The following TAF4B variants were observed in gnomAD, a reference collection of about 807,000 sequenced individuals.
TAF4B encodes TATA-box binding protein associated factor 4b.
A neutral mutation model predicts 86.4 loss-of-function variants in TAF4B; 38 were observed. That is an observed-to-expected ratio of 0.44 (90% CI 0.34 to 0.58). TAF4B has a LOEUF of 0.58. TAF4B is among the 20% of genes least tolerant of loss of function. The probability of loss-of-function intolerance (pLI) is 0.02; values close to 1 mark genes in which losing one functional copy is unlikely to be tolerated. For synonymous variants in TAF4B, 388 were observed against 391.2 expected (o/e 0.99, Z 0.10); for missense variants, 988 against 1,027.6 (o/e 0.96, Z 0.53).
chr18:26,311,490 T>C (rs1467066419), intron 9 of TAF4B, among the ~76,000 whole-genome samples: 1 of 151,778 alleles, frequency 6.6e-6, no homozygotes, highest in East Asian at 1.9e-4. Flanking sequence ...ATACAAAAAT[T>C]AGCCAGGCGT....
intron 13 of TAF4B, among the ~76,000 whole-genome samples, chr18:26,350,734 A>G (rs2057238160): frequency 1.3e-5 from 2 of 152,234 alleles, no homozygotes; most frequent in African/African-American, 2.4e-5. Flanking sequence ...ACATTTCTCA[A>G]AAGAAGACAT....
intron 6 of TAF4B, among the ~76,000 whole-genome samples, chr18:26,283,848 C>G (rs1000278813): frequency 3.9e-5 from 6 of 151,978 alleles, no homozygotes; most frequent in Non-Finnish European, 7.4e-5. Flanking sequence ...GTCAGGAGTT[C>G]GAGACCAGCC....
Position 26,312,753 on chromosome 18 carries a change from G to T in TAF4B, c.1833-2476G>T, listed in dbSNP as rs2056865674. Among the ~76,000 whole-genome samples, 5 of 152,232 alleles carry T rather than the reference G, an allele frequency of 3.3e-5. No homozygotes were observed. In the South Asian group the frequency reaches 1.0e-3, roughly 32 times the overall value. On this transcript the variant is annotated intron_variant, in intron 9 of 14. Transcript: ENST00000269142. The stretch of plus-strand genomic sequence containing the variant: ...ACATCTTAGTTGACAGGCACTCAGT[G>T]TTGTATGTATATGTGTAAAGGTCAT...
At chr18:26,285,050 C>T (rs954303592) in intron 6 of TAF4B, among the ~76,000 whole-genome samples, 3 of 151,610 alleles carry the variant, frequency 2.0e-5, no homozygotes, top group African/African-American at 7.3e-5. Context: ...TCACTGCAAC[C>T]TCAACCTCCT....
Position 26,227,238 on chromosome 18 carries a change from C to T in TAF4B, c.305C>T (p.Thr102Met). Residue 102 changes from threonine to methionine, a missense_variant, in exon 1 of 15, where the codon ACG becomes ATG. Around this residue, in one of 3 missense-constraint regions of TAF4B, gnomAD observed 747 missense variants for 737.9 expected, o/e 1.01. Coordinates refer to ENST00000269142, the MANE Select transcript of TAF4B (RefSeq NM_005640.3). Reference protein sequence around the residue: ...QIVAVKAPNTTTIQFPANLQL... With the variant: ...QIVAVKAPNTMTIQFPANLQL... The stretch of plus-strand genomic sequence containing the variant: ...GTCGCCGTGAAAGCCCCCAACACCA[C>T]GACAATCCAGTTTCCTGCTAATTTG... 6.2e-7 allele frequency: 1 copy of T among 1,613,584 alleles called. No individual in the cohort carries two copies. The highest frequency in any genetic ancestry group is 2.2e-5 in the East Asian group (1 of 44,790).
chr18:26,388,570 G>C (rs952943818), intron 14 of TAF4B, among the ~76,000 whole-genome samples: 8 of 152,188 alleles, frequency 5.3e-5, no homozygotes, highest in African/African-American at 1.9e-4. Context: ...GATTTCCTTG[G>C]ATGAAGGACA....
Position 26,265,205 on chromosome 18 carries a change from ATGT to A in TAF4B, c.382_384del (p.Leu128del). 6.2e-7 allele frequency: 1 copy of A among 1,613,688 alleles called. No homozygotes were observed. The highest frequency in any genetic ancestry group is 8.5e-7 in the Non-Finnish European group (1 of 1,179,970). The stretch of plus-strand genomic sequence containing the variant: ...GATTAAAAGTAACAGTGGTCCGTTG[ATGT>A]TGGTATCTCCTCAGCAAACTGTAAC... On this transcript the variant is annotated inframe_deletion, in exon 2 of 15. Transcript: ENST00000269142.
chr18:26,334,530 A>C (rs142555127), intron 12 of TAF4B, among the ~76,000 whole-genome samples: 1 of 152,200 alleles, frequency 6.6e-6, no homozygotes, highest in African/African-American at 2.4e-5. Flanking sequence ...AGCTTGATAC[A>C]TAGAAAACAG....
chr18:26,340,556 C>G (rs1017948331), intron 13 of TAF4B, among the ~76,000 whole-genome samples: 1 of 152,164 alleles, frequency 6.6e-6, no homozygotes, highest in African/African-American at 2.4e-5. Context: ...CAGTGGTTCT[C>G]AAACGTTGAC....
At chr18:26,310,077 G>T (rs1213651048) in intron 9 of TAF4B, among the ~76,000 whole-genome samples, 2 of 152,148 alleles carry the variant, frequency 1.3e-5, no homozygotes, top group African/African-American at 2.4e-5. Flanking sequence ...CCCACCTCGG[G>T]CTCCGAAAGT....
chr18:26,250,496 CAAAAA>C (rs9304494), intron 1 of TAF4B, among the ~76,000 whole-genome samples: 3 of 135,612 alleles, frequency 2.2e-5, no homozygotes, highest in African/African-American at 8.1e-5. Flanking sequence ...GACTCCATCT[CAAAAA>C]AAAAAAAAAA....
intron 14 of TAF4B, among the ~76,000 whole-genome samples, chr18:26,363,275 T>C (rs986842447): frequency 1.1e-4 from 17 of 151,156 alleles, no homozygotes; most frequent in Admixed American, 8.6e-4. Flanking sequence ...ATTTTTGTTT[T>C]CAAAATGAGA....
At chr18:26,331,463 ACC>A (rs1491519899) in intron 12 of TAF4B, among the ~76,000 whole-genome samples, 1 of 150,850 alleles carries the variant, frequency 6.6e-6, no homozygotes, top group African/African-American at 2.5e-5. Context: ...CTGGACTCAT[ACC>A]ATTAACTCCC....
intron 13 of TAF4B, among the ~76,000 whole-genome samples, chr18:26,345,599 C>T (rs551255452): frequency 2.0e-5 from 3 of 152,346 alleles, no homozygotes; most frequent in African/African-American, 4.8e-5. Flanking sequence ...GTATGGATTA[C>T]AGCTGAAGAA....
At chr18:26,316,120 G>A (rs767601863) in intron 10 of TAF4B, among the ~76,000 whole-genome samples, 3 of 152,042 alleles carry the variant, frequency 2.0e-5, no homozygotes, top group African/African-American at 4.8e-5. Context: ...CATGAGAATC[G>A]CTTGAACCCG....
At chr18:26,282,210 G>C in intron 6 of TAF4B, 150 bp downstream of exon 6, 7 of 637,304 alleles carry the variant, frequency 1.1e-5, no homozygotes, top group Middle Eastern at 3.5e-4. Context: ...GCTATAAAGC[G>C]TGTTCATAAT....
intron 14 of TAF4B, among the ~76,000 whole-genome samples, chr18:26,361,561 C>CA (rs1322637911): frequency 6.6e-6 from 1 of 151,660 alleles, no homozygotes; most frequent in Non-Finnish European, 1.5e-5. Context: ...GCCTAGCCAA[C>CA]ATGTGAAACC....
chr18:26,344,899 C>G (rs2057164177), intron 13 of TAF4B, among the ~76,000 whole-genome samples: 1 of 152,188 alleles, frequency 6.6e-6, no homozygotes, highest in African/African-American at 2.4e-5. Context: ...ACAGTCCTGT[C>G]TTCCCCACCT....
At chr18:26,365,499 C>T (rs533103563) in intron 14 of TAF4B, among the ~76,000 whole-genome samples, 1 of 152,232 alleles carries the variant, frequency 6.6e-6, no homozygotes, top group South Asian at 2.1e-4. Context: ...AGGGATGGTA[C>T]TGGAGAGGGG....
Sources: gnomAD v4.1 joint callset for allele counts (sites outside exome capture counted in the v4.1 genomes callset) on GRCh38, gnomAD v4.1.1 for gene constraint, gnomAD v4.1.1 regional missense constraint, MANE v1.5 for transcripts, NCBI Gene and HGNC (gene_info 2026-07-23, HGNC 2026-07-21) for gene names.